The following GLI2 variants were observed in gnomAD, a reference collection of about 807,000 sequenced individuals.
GLI2 encodes the protein transcription activator GLI2.
In GLI2, 22 loss-of-function variants were observed where a neutral mutation model predicts 78.9. The observed-to-expected ratio is 0.28, with a 90% CI of 0.20 to 0.40. GLI2 has a LOEUF of 0.40. Among genes scored for constraint, GLI2 ranks in the 10% least tolerant of loss-of-function variants. The pLI is 1.00. For missense variants in GLI2, 2,097 were observed against 2,213.2 expected (o/e 0.95, Z 1.05); for synonymous variants, 974 against 963.7 (o/e 1.01, Z -0.20).
rs115260188 is a variant in GLI2 at position 120,961,237 on chromosome 2, G to A, written c.643+5807G>A. Among the ~76,000 whole-genome samples, 261 of 152,242 alleles carry A rather than the reference G, an allele frequency of 1.7e-3. 1 individual carries two copies. Among genetic ancestry groups the A allele is most frequent in the African/African-American group, 5.7e-3 (235 of 41,528 alleles). ...GCTCGGATGTCACCTCCATTCTGACGCCTGTTCTTTATGCTGCCTGTGGAT... is the reference window on the plus strand; with the variant it reads ...GCTCGGATGTCACCTCCATTCTGACACCTGTTCTTTATGCTGCCTGTGGAT... On this transcript the variant is annotated intron_variant, in intron 5 of 13. Coordinates refer to ENST00000361492, the MANE Select transcript of GLI2 (RefSeq NM_001374353.1).
At chr2:120,743,571 T>C (rs1281744084) in intron 1 of GLI2, among the ~76,000 whole-genome samples, 1 of 152,264 alleles carries the variant, frequency 6.6e-6, no homozygotes, top group Non-Finnish European at 1.5e-5. Context: ...CTTTCTTATA[T>C]ATACCATCCT....
At chr2:120,819,565 C>T (rs967722052) in intron 2 of GLI2, among the ~76,000 whole-genome samples, 1 of 152,092 alleles carries the variant, frequency 6.6e-6, no homozygotes, top group African/African-American at 2.4e-5. Context: ...TATCCACCCT[C>T]GTTTTTAATC....
Position 120,736,048 on chromosome 2 carries a change from G to C in GLI2, c.-268G>C, listed in dbSNP as rs1175701849. On this transcript the variant is annotated 5_prime_UTR_variant, in exon 1 of 14. Transcript: ENST00000361492. The stretch of plus-strand genomic sequence containing the variant: ...AGCCGGAGGAAAGAGCTTGGGCCGC[G>C]CGGCGCGCCGCAGCCTCGGGGAGCC... 6.6e-6 allele frequency among the ~76,000 whole-genome samples: 1 copy of C among 151,536 alleles called. No homozygotes were observed. Among genetic ancestry groups the C allele is most frequent in the East Asian group, 2.0e-4 (1 of 5,058 alleles).
At chr2:120,917,275 C>T (rs1189402168) in intron 2 of GLI2, among the ~76,000 whole-genome samples, 1 of 152,248 alleles carries the variant, frequency 6.6e-6, no homozygotes, top group Non-Finnish European at 1.5e-5. Flanking sequence ...GTACATTAAG[C>T]GTGGAATGGA....
chr2:120,940,207 A>AGTTCGT, intron 3 of GLI2, among the ~76,000 whole-genome samples: 1 of 152,304 alleles, frequency 6.6e-6, no homozygotes, highest in South Asian at 2.1e-4. Context: ...ATCCTCTCCC[A>AGTTCGT]GTTCGTGCCT....
intron 10 of GLI2, among the ~76,000 whole-genome samples, chr2:120,979,621 C>T (rs948630907): frequency 1.3e-5 from 2 of 152,170 alleles, no homozygotes; most frequent in African/African-American, 4.8e-5. Context: ...TCACCCTTTT[C>T]GGAAAATGTG....
Position 120,737,653 on chromosome 2 carries a change from C to T in GLI2, c.-31+1368C>T, listed in dbSNP as rs1022541207. On this transcript the variant is annotated intron_variant, in intron 1 of 13. Transcript: ENST00000361492. This position sits in a 1 kb window ranked among gnomAD's most constrained non-coding sequence, Gnocchi z 4.3. The stretch of plus-strand genomic sequence containing the variant: ...CGGGCCCCCTCTCCGCCGCTCTTGC[C>T]GGGCGTGTGAAGGTTTAATCCCGAC... Among the ~76,000 whole-genome samples the T allele has an allele frequency of 6.6e-6, 1 of 152,164 alleles. No individual in the cohort carries two copies. The highest frequency in any genetic ancestry group is 1.5e-5 in the Non-Finnish European group (1 of 68,042).
At position 120,975,120 on chromosome 2, in the gene GLI2, G is replaced by A; in HGVS notation, c.1317+11G>A. The A allele has an allele frequency of 6.2e-7, 1 of 1,613,488 alleles. No individual in the cohort carries two copies. The highest frequency in any genetic ancestry group is 8.5e-7 in the Non-Finnish European group (1 of 1,179,944). On this transcript the variant is annotated intron_variant, in intron 9 of 13. Transcript: ENST00000361492. ...GAGCAGCTGGTGCATGTAAGCTTTT[G>A]AACCCCAGCAGCCCGCCAACCGGGG...
Position 120,991,605 on chromosome 2 carries a change from C to G in GLI2, c.*930C>G, listed in dbSNP as rs1305297992. ...CAGCCTCAGGCTGCCCTAGGGATCTCTCAGTAGGAAGAGGAAGTTGCGTGT... is the reference window on the plus strand; with the variant it reads ...CAGCCTCAGGCTGCCCTAGGGATCTGTCAGTAGGAAGAGGAAGTTGCGTGT... On this transcript the variant is annotated 3_prime_UTR_variant, in exon 14 of 14. Transcript: ENST00000361492. 2 of 152,642 alleles carry G rather than the reference C, an allele frequency of 1.3e-5. No individual in the cohort carries two copies. Among genetic ancestry groups the G allele is most frequent in the Non-Finnish European group, 2.9e-5 (2 of 68,070 alleles). The allele number at this position is 152,642 out of a possible 1,614,324, so 9.5% of individuals were successfully genotyped here.
rs202100149 is a variant in GLI2 at position 120,747,542 on chromosome 2, A to G, written c.-31+11257A>G. ...GATTTCTCAACTGGGCAGTGTCTCC[A>G]GGGGGCATTTGACCTGTCTGGAGAC... On this transcript the variant is annotated intron_variant, in intron 1 of 13. Coordinates refer to ENST00000361492, the MANE Select transcript of GLI2 (RefSeq NM_001374353.1). Among the ~76,000 whole-genome samples, 9 of 152,320 alleles carry G rather than the reference A, an allele frequency of 5.9e-5. No individual in the cohort carries two copies. The East Asian group carries it at 1.7e-3, about 29-fold the overall frequency.
chr2:120,826,210 G>A (rs1186558920), intron 2 of GLI2, among the ~76,000 whole-genome samples: 2 of 152,174 alleles, frequency 1.3e-5, no homozygotes, highest in Non-Finnish European at 2.9e-5. Context: ...AGGGAGAGAG[G>A]GGAGAAGCTG....
At position 120,835,903 on chromosome 2, in the gene GLI2, T is replaced by G. The variant is rs565108464; in HGVS notation, c.148+38435T>G. Reference sequence around the variant, plus strand: ...ACATGTACCTCCATGCAGCTTAACTTTTTTTTGCCATTTTTAGTCTGCAGC... The same window carrying G: ...ACATGTACCTCCATGCAGCTTAACTGTTTTTTGCCATTTTTAGTCTGCAGC... On this transcript the variant is annotated intron_variant, in intron 2 of 13. Coordinates refer to ENST00000361492, the MANE Select transcript of GLI2 (RefSeq NM_001374353.1). Among the ~76,000 whole-genome samples, 14 of 152,284 alleles carry G rather than the reference T, an allele frequency of 9.2e-5. No individual in the cohort carries two copies. The South Asian group carries it at 2.9e-3, about 32-fold the overall frequency.
At chr2:120,941,912 A>G (rs1208415488) in intron 3 of GLI2, among the ~76,000 whole-genome samples, 1 of 151,852 alleles carries the variant, frequency 6.6e-6, no homozygotes, top group Non-Finnish European at 1.5e-5. Context: ...GGCAGGGGGG[A>G]AAGCCCGCTC....
At position 120,970,447 on chromosome 2, in the gene GLI2, G is replaced by T. The variant is rs745691710; in HGVS notation, c.900G>T (p.Leu300=). 6.2e-7 allele frequency: 1 copy of T among 1,613,584 alleles called. No individual in the cohort carries two copies. The highest frequency in any genetic ancestry group is 8.5e-7 in the Non-Finnish European group (1 of 1,179,894). ...PINPVAYQQI[L]SQQRGLGSAF... ...ACCCCGTGGCCTACCAGCAGATTCT[G>T]AGCCAGCAGAGGGGTCTGGGGTCAG... The change falls in exon 7 of 14, where the codon CTG becomes CTT. Residue 300 remains leucine, a synonymous_variant. Transcript: ENST00000361492.
intron 3 of GLI2, among the ~76,000 whole-genome samples, chr2:120,948,495 C>T (rs1472946688): frequency 6.6e-6 from 1 of 152,194 alleles, no homozygotes; most frequent in Non-Finnish European, 1.5e-5. Context: ...AGTCCCAGCT[C>T]CTCCATGTGT....
At chr2:120,868,677 C>G (rs896206137) in intron 2 of GLI2, among the ~76,000 whole-genome samples, 14 of 152,182 alleles carry the variant, frequency 9.2e-5, no homozygotes, top group African/African-American at 3.4e-4. Flanking sequence ...GTGATTGTGA[C>G]CTCAAATCAT....
intron 3 of GLI2, among the ~76,000 whole-genome samples, chr2:120,943,771 G>C (rs149735312): frequency 6.6e-6 from 1 of 152,348 alleles, no homozygotes; most frequent in African/African-American, 2.4e-5. Context: ...TCCAACCCCC[G>C]AGTGGGACAG....
intron 1 of GLI2, among the ~76,000 whole-genome samples, chr2:120,748,016 A>G (rs1260969490): frequency 6.6e-6 from 1 of 152,194 alleles, no homozygotes; most frequent in Non-Finnish European, 1.5e-5. Context: ...ACACCTTGCT[A>G]ACTTGGTTAC....
In GLI2 at chr2:120,992,050, A is replaced by ACCCACC. The variant is rs1683314756; in HGVS notation, c.*1378_*1379insACCCCC. 6.8e-6 allele frequency: 1 copy of ACCCACC among 146,900 alleles called. No individual in the cohort carries two copies. Among genetic ancestry groups the ACCCACC allele is most frequent in the Non-Finnish European group, 1.5e-5 (1 of 67,406 alleles). The allele number at this position is 146,900 out of a possible 1,614,324, so 9.1% of individuals were successfully genotyped here. A position where few individuals can be genotyped will look rare whatever the true frequency, so the allele number is the denominator to read the frequency against. ...CACACACACACACACACACACACACACCCCAAACCTTTTCATGGGGAATGT... is the reference window on the plus strand; with the variant it reads ...CACACACACACACACACACACACACACCCACCCCCCAAACCTTTTCATGGGGAATGT... On this transcript the variant is annotated 3_prime_UTR_variant, in exon 14 of 14. Transcript: ENST00000361492.
Sources: allele counts gnomAD v4.1 joint callset (sites outside exome capture counted in the v4.1 genomes callset), GRCh38; gene constraint gnomAD v4.1.1; non-coding constraint Gnocchi (gnomAD v3.1); transcripts MANE v1.5; gene names NCBI Gene and HGNC (gene_info 2026-07-23, HGNC 2026-07-21).